Variants in CGGBP1 observed in about 807,000 individuals in gnomAD.
The protein encoded by CGGBP1 is CGG triplet repeat-binding protein 1.
In CGGBP1, 4 loss-of-function variants were observed where a neutral mutation model predicts 11.4. The observed-to-expected ratio is 0.35, with a 90% CI of 0.17 to 0.80. The LOEUF is 0.80. Among genes scored for constraint, CGGBP1 ranks in the 30% least tolerant of loss-of-function variants. CGGBP1 has a pLI of 0.52. For missense variants in CGGBP1, 135 were observed against 202.1 expected, an observed-to-expected ratio of 0.67 and a Z score of 2.01; for synonymous variants, 76 against 74.1, an observed-to-expected ratio of 1.03 and a Z score of -0.13.
At chr3:88,138,599 A>G (rs970687027) in intron 2 of CGGBP1, 11 of 598,534 alleles carry the variant, frequency 1.8e-5, no homozygotes, top group Admixed American at 4.4e-5. Flanking sequence ...TTGGAATACT[A>G]TGTTTATTCA....
At chr3:88,131,863 T>C (rs1706485112) in intron 2 of CGGBP1, among the ~76,000 whole-genome samples, 1 of 152,228 alleles carries the variant, frequency 6.6e-6, no homozygotes, top group South Asian at 2.1e-4. Flanking sequence ...GCCTCCAAAG[T>C]CTGTGCTGTC....
intron 2 of CGGBP1, chr3:88,140,108 T>G (rs1338499194): frequency 6.2e-7 from 1 of 1,613,884 alleles, no homozygotes; most frequent in Non-Finnish European, 8.5e-7. Context: ...GCTATCCAAA[T>G]GTGTATTTTT....
intron 2 of CGGBP1, among the ~76,000 whole-genome samples, chr3:88,083,082 C>T (rs915166730): frequency 6.6e-6 from 1 of 151,868 alleles, no homozygotes; most frequent in Non-Finnish European, 1.5e-5. Context: ...CTCACTCTTC[C>T]TCCTCCTCAC....
intron 2 of CGGBP1, among the ~76,000 whole-genome samples, chr3:88,099,959 C>A (rs1295723870): frequency 3.3e-5 from 5 of 152,074 alleles, no homozygotes; most frequent in African/African-American, 1.2e-4. Context: ...GCAACAAAAG[C>A]CAAAATTGAC....
chr3:88,114,145 T>C (rs1705254126), intron 2 of CGGBP1, among the ~76,000 whole-genome samples: 2 of 152,156 alleles, frequency 1.3e-5, no homozygotes, highest in Admixed American at 6.6e-5. Flanking sequence ...GAGTTATTAA[T>C]GATTCTGGCA....
At chr3:88,145,880 C>T (rs911512277) in intron 1 of CGGBP1, among the ~76,000 whole-genome samples, 3 of 152,114 alleles carry the variant, frequency 2.0e-5, no homozygotes, top group Non-Finnish European at 4.4e-5. Flanking sequence ...GAAAGGTTAA[C>T]CTGATTAAAA....
intron 2 of CGGBP1, among the ~76,000 whole-genome samples, chr3:88,131,760 T>C (rs1426381286): frequency 6.6e-6 from 1 of 152,138 alleles, no homozygotes; most frequent in Non-Finnish European, 1.5e-5. Flanking sequence ...TTATTTCTTC[T>C]ACCTCTTTTC....
At chr3:88,112,955 T>C (rs1046722266) in intron 2 of CGGBP1, among the ~76,000 whole-genome samples, 14 of 152,130 alleles carry the variant, frequency 9.2e-5, no homozygotes, top group African/African-American at 3.4e-4. Flanking sequence ...TTTTAAAATC[T>C]TACAGAAAAC....
chr3:88,140,522 A>T (rs754243265), intron 2 of CGGBP1: 1 of 1,613,784 alleles, frequency 6.2e-7, no homozygotes, highest in East Asian at 2.2e-5. Flanking sequence ...ACACTGTTTC[A>T]AATATAAGCT....
chr3:88,086,425 A>G, intron 2 of CGGBP1: 1 of 1,456,806 alleles, frequency 6.9e-7, no homozygotes, highest in Non-Finnish European at 9.1e-7. Context: ...TACTTCTTAT[A>G]AATGCATTAT....
rs145313788 is a variant in CGGBP1, at chr3:88,121,033, A to G, written c.-229+19937T>C. 6.6e-5 allele frequency among the ~76,000 whole-genome samples: 10 copies of G among 152,264 alleles called. No homozygotes were observed. In the East Asian group the frequency reaches 1.9e-3, roughly 29 times the overall value. On this transcript the variant is annotated intron_variant, in intron 2 of 3. Transcript: ENST00000462901. ...GGGTTGATAGGTGCAGAAAACCACCATGGTACGTGTATACCTATGTAACAA... is the reference window on the plus strand; with the variant it reads ...GGGTTGATAGGTGCAGAAAACCACCGTGGTACGTGTATACCTATGTAACAA...
intron 2 of CGGBP1, among the ~76,000 whole-genome samples, chr3:88,072,423 A>G (rs933501423): frequency 6.6e-6 from 1 of 152,202 alleles, no homozygotes; most frequent in Non-Finnish European, 1.5e-5. Context: ...GCAGGGCTCC[A>G]TAATCCTGCC....
At chr3:88,131,859 A>G (rs1317328277) in intron 2 of CGGBP1, among the ~76,000 whole-genome samples, 1 of 152,004 alleles carries the variant, frequency 6.6e-6, no homozygotes, top group East Asian at 1.9e-4. Flanking sequence ...TTCAGCCTCC[A>G]AAGTCTGTGC....
intron 2 of CGGBP1, among the ~76,000 whole-genome samples, chr3:88,076,282 A>T (rs1353470126): frequency 6.6e-6 from 1 of 152,148 alleles, no homozygotes; most frequent in Non-Finnish European, 1.5e-5. Context: ...TTCACTCTTG[A>T]CATTTCCATC....
chr3:88,117,168 T>A (rs1259828360), intron 2 of CGGBP1, among the ~76,000 whole-genome samples: 1 of 152,260 alleles, frequency 6.6e-6, no homozygotes, highest in African/African-American at 2.4e-5. Flanking sequence ...GCAGATTAAC[T>A]CCAGTAAAAA....
intron 2 of CGGBP1, among the ~76,000 whole-genome samples, chr3:88,064,403 A>C (rs1005153678): frequency 2.6e-5 from 4 of 151,978 alleles, no homozygotes. Flanking sequence ...CCTTCCTGCT[A>C]CCCTCTTTGT....
intron 2 of CGGBP1, among the ~76,000 whole-genome samples, chr3:88,073,312 G>C (rs755548527): frequency 1.3e-5 from 2 of 152,172 alleles, no homozygotes; most frequent in Non-Finnish European, 2.9e-5. Flanking sequence ...ACTCAAAAAA[G>C]AATTGGTAGA....
intron 2 of CGGBP1, chr3:88,139,831 CT>C: frequency 6.4e-7 from 1 of 1,573,060 alleles, no homozygotes; most frequent in Non-Finnish European, 8.6e-7. Context: ...AATCAAGAAA[CT>C]TCAGTAATTC....
intron 2 of CGGBP1, among the ~76,000 whole-genome samples, chr3:88,087,998 G>C (rs1297981622): frequency 1.3e-5 from 2 of 152,208 alleles, no homozygotes; most frequent in Admixed American, 6.5e-5. Flanking sequence ...TGCTCAATCA[G>C]TAAGTATAAA....
Sources: allele counts gnomAD v4.1 joint callset (sites outside exome capture counted in the v4.1 genomes callset), GRCh38; gene constraint gnomAD v4.1.1; transcripts MANE v1.5; gene names NCBI Gene and HGNC (gene_info 2026-07-23, HGNC 2026-07-21).